The following ZCWPW1 variants were observed in gnomAD, a reference collection of about 807,000 sequenced individuals.
The protein encoded by ZCWPW1 is zinc finger CW-type and PWWP domain containing 1.
ZCWPW1 carries 56 observed loss-of-function variants against 81.3 expected under a neutral mutation model. The ratio of observed to expected loss-of-function variants is 0.69; its 90% confidence interval spans 0.56 to 0.86. The LOEUF (loss-of-function observed/expected upper bound fraction) is 0.86, where lower values mean the gene tolerates loss of function less well. Among genes scored for constraint, ZCWPW1 ranks in the 40% least tolerant of loss-of-function variants. ZCWPW1 has a pLI of 0.00. For missense variants in ZCWPW1, 650 were observed against 769.8 expected (o/e 0.84, Z 1.84); for synonymous variants, 250 against 273.7 (o/e 0.91, Z 0.86).
At chr7:100,427,283 T>C in intron 1 of ZCWPW1, among the ~76,000 whole-genome samples, 1 of 134,710 alleles carries the variant, frequency 7.4e-6, no homozygotes, top group African/African-American at 2.9e-5. Context: ...TTCGTGTTTG[T>C]GCACAAGCTC....
chr7:100,408,097 C>T (rs2003507), intron 10 of ZCWPW1, among the ~76,000 whole-genome samples: 26,678 of 152,058 alleles, frequency 0.18, 2,478 homozygotes, highest in Middle Eastern at 0.2. Context: ...ACTACAGGCA[C>T]GCGCCACCAC....
Position 100,402,017 on chromosome 7 carries a change from G to C in ZCWPW1, c.1499C>G (p.Ala500Gly). The change falls in exon 17 of 18, where the codon GCA (alanine) becomes GGA (glycine). Residue 500 changes from alanine (A) to glycine (G), a missense_variant. Coordinates refer to ENST00000684423, the MANE Select transcript of ZCWPW1 (RefSeq NM_001386010.1). ...PRGLGGDAGTADGRGRTLQRK... is the reference protein window; with the variant it reads ...PRGLGGDAGTGDGRGRTLQRK... ...CTGCAGTGTCCTGCCTCGGCCATCT[G>C]CTGTGCCTGCATCACCCCCAAGCCC... 6.2e-7 allele frequency: 1 copy of C among 1,612,744 alleles called. No homozygotes were observed.
intron 16 of ZCWPW1, 117 bp from the exon 17 acceptor site, chr7:100,402,158 T>A: frequency 7.5e-7 from 1 of 1,332,804 alleles, no homozygotes; most frequent in Non-Finnish European, 1.0e-6. Flanking sequence ...TGCAATCTAG[T>A]GAGTTTTCCT....
intron 12 of ZCWPW1, 72 bp from the exon 13 acceptor site, chr7:100,405,165 C>T: frequency 6.8e-7 from 1 of 1,471,126 alleles, no homozygotes; most frequent in Non-Finnish European, 9.3e-7. Flanking sequence ...TGCGGTGGCT[C>T]ACACCTGTAA....
rs1196946634 is a variant in ZCWPW1 at position 100,408,836 on chromosome 7, AACCAGCTGAAATGCAGCTG to A, written c.872-196_872-178del. 8.1e-5 allele frequency among the ~76,000 whole-genome samples: 11 copies of A among 135,116 alleles called. No homozygotes were observed. In the East Asian group the frequency reaches 9.9e-4, roughly 12 times the overall value. The allele number at this position is 135,116 out of a possible 152,430, so 88.6% of individuals were successfully genotyped here. ...AGACCCATGGAGGAAATGCAGCTGG[AACCAGCTGAAATGCAGCTG>A]GAACCAGCTGAAATGCAGCTGGAGG... On this transcript the variant is annotated intron_variant, in intron 9 of 17. Transcript: ENST00000684423.
intron 15 of ZCWPW1, among the ~76,000 whole-genome samples, chr7:100,403,360 T>C (rs1164604977): frequency 6.6e-6 from 1 of 151,898 alleles, no homozygotes; most frequent in Non-Finnish European, 1.5e-5. Flanking sequence ...GGACTATAGG[T>C]GCCCACCACC....
chr7:100,405,112 G>A lies in ZCWPW1; in HGVS notation c.1174-19C>T. 1 of 1,608,532 alleles carries A rather than the reference G, an allele frequency of 6.2e-7. No homozygotes were observed. The highest frequency in any genetic ancestry group is 1.3e-5 in the African/African-American group (1 of 74,902). On this transcript the variant is annotated intron_variant, in intron 12 of 17. Transcript: ENST00000684423. ...GCTTTTTCTGAAATAGAAGATTAGA[G>A]CCAATGATAAATATTGACTTAAAGA... is the stretch of plus-strand genomic sequence containing the variant.
intron 5 of ZCWPW1, among the ~76,000 whole-genome samples, chr7:100,418,117 T>G (rs1795685062): frequency 6.6e-6 from 1 of 152,078 alleles, no homozygotes; most frequent in South Asian, 2.1e-4. Context: ...ACTCCTGACC[T>G]CAAGTGATCC....
intron 1 of ZCWPW1, among the ~76,000 whole-genome samples, chr7:100,428,268 A>T (rs1190723219): frequency 1.3e-5 from 2 of 151,800 alleles, no homozygotes; most frequent in Admixed American, 1.3e-4. Flanking sequence ...AGGCACGAGG[A>T]CGCCCTGAGC....
chr7:100,404,205 C>T lies in ZCWPW1; in HGVS notation c.1294G>A (p.Gly432Arg), dbSNP rs755480981. The change falls in exon 14 of 18, where the codon GGA (glycine) becomes AGA (arginine). Residue 432 changes from glycine (G) to arginine (R), a missense_variant. Coordinates refer to ENST00000684423, the MANE Select transcript of ZCWPW1 (RefSeq NM_001386010.1). ...TTTCTTTCCCCATTACTGTTAGATC[C>T]GTTGAATCGGCTCCAGAAACCAAAC... ...NLFGFWSRFN[G>R]SNSNGERKDL... 16 of 1,614,092 alleles carry T rather than the reference C, an allele frequency of 9.9e-6. No individual in the cohort carries two copies. Among genetic ancestry groups the T allele is most frequent in the East Asian group, 8.9e-5 (4 of 44,876 alleles).
rs1202555098 is a variant in ZCWPW1 at position 100,406,724 on chromosome 7, G to C, written c.1143C>G (p.Phe381Leu). 1.2e-6 allele frequency: 2 copies of C among 1,614,154 alleles called. No individual in the cohort carries two copies. The highest frequency in any genetic ancestry group is 1.1e-5 in the South Asian group (1 of 91,058). ...AWIPVNMLKN[F>L]QELSLELSVM... Reference sequence around the variant, plus strand: ...CTGATAGCTCCAGGGACAGCTCCTGGAAGTTCTTTAGCATGTTGACTGGGA... The same window carrying C: ...CTGATAGCTCCAGGGACAGCTCCTGCAAGTTCTTTAGCATGTTGACTGGGA... The change falls in exon 12 of 18, where the codon TTC (phenylalanine) becomes TTG (leucine). Residue 381 changes from phenylalanine to leucine, a missense_variant. Phe to Leu is a conservative substitution (Grantham distance 22). Coordinates refer to ENST00000684423, the MANE Select transcript of ZCWPW1 (RefSeq NM_001386010.1).
In ZCWPW1 at chr7:100,428,631, A is replaced by C. The variant is rs1584314161; in HGVS notation, c.-200T>G. Reference sequence around the variant, plus strand: ...CCTGCCGCCCTGTCCTCGGCCCAGCACTCCGCTGGCAGGGAGACCGGGCGG... The same window carrying C: ...CCTGCCGCCCTGTCCTCGGCCCAGCCCTCCGCTGGCAGGGAGACCGGGCGG... On this transcript the variant is annotated 5_prime_UTR_variant, in exon 1 of 18. Coordinates refer to ENST00000684423, the MANE Select transcript of ZCWPW1 (RefSeq NM_001386010.1). The C allele has an allele frequency of 1.3e-5, 2 of 152,266 alleles. No individual in the cohort carries two copies. Among genetic ancestry groups the C allele is most frequent in the East Asian group, 3.9e-4 (2 of 5,154 alleles). The allele number at this position is 152,266 out of a possible 1,614,324, so 9.4% of individuals were successfully genotyped here.
intron 2 of ZCWPW1, 27 bp from the exon 3 acceptor site, chr7:100,420,705 A>G: frequency 6.2e-7 from 1 of 1,600,552 alleles, no homozygotes; most frequent in Non-Finnish European, 8.5e-7. Context: ...ATTAACTGCT[A>G]TGACTCTGAT....
At position 100,409,425 on chromosome 7, in the gene ZCWPW1, T is replaced by A; in HGVS notation, c.871+3A>T. 6.3e-7 allele frequency: 1 copy of A among 1,599,700 alleles called. No homozygotes were observed. ...GAATGAAAACATTTCCAGTCTTTTC[T>A]ACCTGTGTTCTGATCACAGGACCAA... On this transcript the variant is annotated splice_donor_region_variant and intron_variant, in intron 9 of 17. Coordinates refer to ENST00000684423, the MANE Select transcript of ZCWPW1 (RefSeq NM_001386010.1).
At chr7:100,408,771 C>T in intron 9 of ZCWPW1, 112 bp from the exon 10 acceptor site, 1 of 1,299,324 alleles carries the variant, frequency 7.7e-7, no homozygotes, top group African/African-American at 1.5e-5. Flanking sequence ...GCAGGTGGGA[C>T]CAAAGGGGCA....
intron 8 of ZCWPW1, among the ~76,000 whole-genome samples, chr7:100,413,023 G>C (rs1794530858): frequency 6.6e-6 from 1 of 152,164 alleles, no homozygotes; most frequent in Non-Finnish European, 1.5e-5. Context: ...AAAGTGCTGG[G>C]ATTACAGGTG....
At position 100,401,874 on chromosome 7, in the gene ZCWPW1, G is replaced by C. The variant is rs1791975668; in HGVS notation, c.1627+15C>G. On this transcript the variant is annotated intron_variant, in intron 17 of 17. Coordinates refer to ENST00000684423, the MANE Select transcript of ZCWPW1 (RefSeq NM_001386010.1). ...ACCTCATTCCCCTTAGTTTTTCCCA[G>C]GCCTTGAGCCTTACCTGGCTGGTCA... 2 of 1,595,036 alleles carry C rather than the reference G, an allele frequency of 1.3e-6. No homozygotes were observed. The highest frequency in any genetic ancestry group is 1.7e-6 in the Non-Finnish European group (2 of 1,170,128).
chr7:100,407,178 G>A (rs1793193969), intron 11 of ZCWPW1, 50 bp downstream of exon 11: 1 of 1,547,004 alleles, frequency 6.5e-7, no homozygotes, highest in Non-Finnish European at 8.9e-7. Flanking sequence ...GGATGGATTT[G>A]TTCATTACTT....
chr7:100,410,170 C>G (rs1793894083), intron 8 of ZCWPW1, among the ~76,000 whole-genome samples: 1 of 152,210 alleles, frequency 6.6e-6, no homozygotes, highest in African/African-American at 2.4e-5. Flanking sequence ...CAGACCCCCA[C>G]CTCTCCTAAG....
Sources: allele counts gnomAD v4.1 joint callset (sites outside exome capture counted in the v4.1 genomes callset), GRCh38; gene constraint gnomAD v4.1.1; transcripts MANE v1.5; gene names NCBI Gene and HGNC (gene_info 2026-07-23, HGNC 2026-07-21).